Variants in GRM5 observed in about 807,000 individuals in gnomAD.
GRM5 encodes the protein metabotropic glutamate receptor 5.
GRM5 carries 19 observed loss-of-function variants against 83.1 expected under a neutral mutation model. That is an observed-to-expected ratio of 0.23 (90% confidence interval 0.16 to 0.34). GRM5 has a LOEUF of 0.34. Ranked by LOEUF, GRM5 falls within the 10% of genes least tolerant of loss-of-function variation. The probability of loss-of-function intolerance (pLI) is 1.00; values close to 1 mark genes in which losing one functional copy is unlikely to be tolerated. For missense variants in GRM5, 1,160 were observed against 1,588.3 expected (o/e 0.73, Z 4.58); for synonymous variants, 675 against 633.6 (o/e 1.07, Z -0.98).
chr11:88,832,901 T>C (rs115180824), intron 3 of GRM5, among the ~76,000 whole-genome samples: 3,884 of 152,180 alleles, frequency 0.026, 175 homozygotes, highest in African/African-American at 0.089. Context: ...GCTGGGAGTA[T>C]TTGATATCCA....
chr11:88,692,372 G>A (rs1183565798), intron 3 of GRM5, among the ~76,000 whole-genome samples: 1 of 152,164 alleles, frequency 6.6e-6, no homozygotes, highest in African/African-American at 2.4e-5. Flanking sequence ...AGGCATAGAT[G>A]CATTAATGGA....
At chr11:88,788,154 G>A (rs1943108623) in intron 3 of GRM5, among the ~76,000 whole-genome samples, 1 of 152,106 alleles carries the variant, frequency 6.6e-6, no homozygotes, top group African/African-American at 2.4e-5. Context: ...TTGCTCCTTA[G>A]ATCAGAACAG....
At chr11:88,976,493 A>C (rs1010383658) in intron 2 of GRM5, among the ~76,000 whole-genome samples, 1 of 151,914 alleles carries the variant, frequency 6.6e-6, no homozygotes, top group African/African-American at 2.4e-5. Flanking sequence ...TATCTAATAC[A>C]TGGGGTTGTT....
At chr11:88,998,818 A>G (rs1207649611) in intron 2 of GRM5, among the ~76,000 whole-genome samples, 1 of 152,222 alleles carries the variant, frequency 6.6e-6, no homozygotes, top group Admixed American at 6.5e-5. Context: ...ATAAAAAATT[A>G]CCATTTACAA....
chr11:88,715,275 G>C (rs778407015), intron 3 of GRM5, among the ~76,000 whole-genome samples: 33 of 151,960 alleles, frequency 2.2e-4, no homozygotes, highest in Non-Finnish European at 1.5e-5. Context: ...GAAAAGTTAA[G>C]TACTTTTCTT....
intron 2 of GRM5, among the ~76,000 whole-genome samples, chr11:88,939,475 G>A (rs374260335): frequency 6.6e-6 from 1 of 151,692 alleles, no homozygotes; most frequent in African/African-American, 2.4e-5. Context: ...TGTAATGTGT[G>A]TATTTTAGCT....
intron 3 of GRM5, among the ~76,000 whole-genome samples, chr11:88,825,381 C>G (rs568845683): frequency 6.6e-6 from 1 of 152,244 alleles, no homozygotes; most frequent in African/African-American, 2.4e-5. Flanking sequence ...AGTTTTTCCT[C>G]TAGGGGTACT....
intron 1 of GRM5, chr11:89,063,687 A>AGGGGGGAT (rs1942045746): frequency 6.6e-6 from 1 of 152,166 alleles, no homozygotes; most frequent in African/African-American, 2.4e-5. Context: ...CTACTGAGAA[A>AGGGGGGAT]GGGGGGATGG....
chr11:88,636,283 G>A (rs1027540945), intron 4 of GRM5, among the ~76,000 whole-genome samples: 1 of 152,170 alleles, frequency 6.6e-6, no homozygotes, highest in Admixed American at 6.5e-5. Context: ...AGGCCAAGGT[G>A]GGTGGATCAC....
intron 2 of GRM5, among the ~76,000 whole-genome samples, chr11:88,929,558 G>A (rs908579008): frequency 9.2e-5 from 14 of 152,102 alleles, no homozygotes; most frequent in South Asian, 2.1e-4. Context: ...CGAAAAGTCC[G>A]GCAACAGAAT....
intron 2 of GRM5, among the ~76,000 whole-genome samples, chr11:89,046,231 C>G (rs1015614933): frequency 1.3e-5 from 2 of 152,112 alleles, no homozygotes; most frequent in Non-Finnish European, 2.9e-5. Flanking sequence ...TAACTTAATT[C>G]CACATTTTAC....
At position 88,885,450 on chromosome 11, in the gene GRM5, G is replaced by GTTTTTTT. The variant is rs61456975; in HGVS notation, c.662-35302_662-35296dup. Among the ~76,000 whole-genome samples, 7 of 62,660 alleles carry GTTTTTTT rather than the reference G, an allele frequency of 1.1e-4. 2 individuals are homozygous for GTTTTTTT. Among genetic ancestry groups the GTTTTTTT allele is most frequent in the African/African-American group, 4.1e-4 (7 of 16,890 alleles). 41.1% of individuals were successfully genotyped at this position (62,660 alleles called of 152,430 possible). Reference sequence around the variant, plus strand: ...TTCTGAATTCTATAGTAGGTACCATGTTTTTTTTTTTTTTTTTTTTTTTTT... The same window carrying GTTTTTTT: ...TTCTGAATTCTATAGTAGGTACCATGTTTTTTTTTTTTTTTTTTTTTTTTTTTTTTTT... On this transcript the variant is annotated intron_variant, in intron 2 of 9. Transcript: ENST00000305447.
chr11:89,052,558 T>A (rs1322558145), intron 1 of GRM5, among the ~76,000 whole-genome samples: 1 of 152,170 alleles, frequency 6.6e-6, no homozygotes, highest in African/African-American at 2.4e-5. Context: ...TCTGACACAT[T>A]GGCTATGTTT....
chr11:88,725,613 G>A (rs1304726704), intron 3 of GRM5, among the ~76,000 whole-genome samples: 6 of 152,110 alleles, frequency 3.9e-5, no homozygotes, highest in Admixed American at 2.0e-4. Context: ...ATCAGGGATC[G>A]ACAGACACCT....
At chr11:88,802,012 C>T (rs527866897) in intron 3 of GRM5, among the ~76,000 whole-genome samples, 25 of 152,074 alleles carry the variant, frequency 1.6e-4, no homozygotes, top group Non-Finnish European at 2.6e-4. Flanking sequence ...CAGAAACAAG[C>T]GTGGGGGAGG....
intron 3 of GRM5, among the ~76,000 whole-genome samples, chr11:88,816,650 A>C (rs1943691976): frequency 6.6e-6 from 1 of 151,576 alleles, no homozygotes; most frequent in Admixed American, 6.6e-5. Context: ...TCAATGAAAG[A>C]GAACACAGAA....
intron 3 of GRM5, among the ~76,000 whole-genome samples, chr11:88,758,639 G>A (rs1283160797): frequency 6.6e-6 from 1 of 152,124 alleles, no homozygotes; most frequent in Non-Finnish European, 1.5e-5. Flanking sequence ...AAAGCGTTGG[G>A]GAGAATGGAA....
At chr11:88,555,947 T>C (rs1942616373) in intron 8 of GRM5, among the ~76,000 whole-genome samples, 1 of 152,128 alleles carries the variant, frequency 6.6e-6, no homozygotes, top group African/African-American at 2.4e-5. Flanking sequence ...TTATGAAGAA[T>C]CATAAATGCA....
At chr11:88,736,257 T>G (rs919099023) in intron 3 of GRM5, among the ~76,000 whole-genome samples, 9 of 152,074 alleles carry the variant, frequency 5.9e-5, no homozygotes, top group Admixed American at 6.6e-5. Context: ...TGCCTAATGT[T>G]TACATGAAAT....
Sources: allele counts gnomAD v4.1 joint callset (sites outside exome capture counted in the v4.1 genomes callset), GRCh38; gene constraint gnomAD v4.1.1; transcripts MANE v1.5; gene names NCBI Gene and HGNC (gene_info 2026-07-23, HGNC 2026-07-21).